Variants in RAB38 observed in about 807,000 individuals in gnomAD.
The protein encoded by RAB38 is RAB38, member RAS oncogene family, also known as ras-related protein Rab-38.
A neutral mutation model predicts 18.4 loss-of-function variants in RAB38; 15 were observed. That is an observed-to-expected ratio of 0.82 (90% CI 0.55 to 1.26). The LOEUF is 1.26. RAB38 is among the 50% of genes most tolerant of loss of function. RAB38 has a pLI of 0.00. For synonymous variants in RAB38, 101 were observed against 104.4 expected (o/e 0.97, Z 0.20); for missense variants, 294 against 267.4 (o/e 1.10, Z -0.69).
At chr11:87,939,086 T>C in the RAB38 span, among the ~76,000 whole-genome samples, 1 of 152,120 alleles carries the variant, frequency 6.6e-6, no homozygotes, top group Non-Finnish European at 1.5e-5. Context: ...CAAATGTGTA[T>C]TTGTCACTCA....
chr11:87,809,797 T>C, the RAB38 span, among the ~76,000 whole-genome samples: 1 of 152,230 alleles, frequency 6.6e-6, no homozygotes, highest in South Asian at 2.1e-4. Context: ...TTGGAGGCCA[T>C]TAAATCCAGA....
the RAB38 span, among the ~76,000 whole-genome samples, chr11:87,945,124 A>G: frequency 9.2e-5 from 14 of 152,166 alleles, no homozygotes; most frequent in Admixed American, 9.2e-4. Context: ...ATATAAAACT[A>G]GAATAATACA....
the RAB38 span, among the ~76,000 whole-genome samples, chr11:87,887,461 A>G: frequency 6.6e-6 from 1 of 151,950 alleles, no homozygotes; most frequent in Non-Finnish European, 1.5e-5. Context: ...GAAAAGCAAT[A>G]CAATATGATA....
chr11:87,865,109 G>A, the RAB38 span, among the ~76,000 whole-genome samples: 5 of 151,678 alleles, frequency 3.3e-5, no homozygotes, highest in Non-Finnish European at 7.4e-5. Context: ...CCAAGAACAG[G>A]GAAGGATGGA....
the RAB38 span, among the ~76,000 whole-genome samples, chr11:88,051,344 A>G: frequency 1.3e-5 from 2 of 152,058 alleles, no homozygotes; most frequent in Non-Finnish European, 2.9e-5. Context: ...CAGTACATGC[A>G]TAGATCTGAT....
chr11:88,172,249 T>C (rs1436691640), intron 1 of RAB38, among the ~76,000 whole-genome samples: 1 of 152,228 alleles, frequency 6.6e-6, no homozygotes. Flanking sequence ...ATGGAATCAC[T>C]GGAATCCAGG....
chr11:88,088,689 A>G, the RAB38 span, among the ~76,000 whole-genome samples: 1 of 151,544 alleles, frequency 6.6e-6, no homozygotes, highest in East Asian at 2.0e-4. Flanking sequence ...GGTGTCTTTG[A>G]CATTCCCTTT....
the RAB38 span, among the ~76,000 whole-genome samples, chr11:87,860,163 C>G: frequency 1.3e-5 from 2 of 151,788 alleles, no homozygotes; most frequent in African/African-American, 2.4e-5. Flanking sequence ...GCTCACTATA[C>G]TAGAGAAAGG....
At chr11:88,027,889 T>C in the RAB38 span, among the ~76,000 whole-genome samples, 7 of 152,174 alleles carry the variant, frequency 4.6e-5, no homozygotes, top group African/African-American at 7.2e-5. Context: ...TCTCCCAGCA[T>C]GCAGCTGGAG....
chr11:87,845,909 G>A, the RAB38 span, among the ~76,000 whole-genome samples: 3 of 152,064 alleles, frequency 2.0e-5, no homozygotes, highest in East Asian at 1.9e-4. Context: ...CTTGCAAACC[G>A]TAATTCTATA....
the RAB38 span, among the ~76,000 whole-genome samples, chr11:87,866,968 A>G: frequency 1.3e-5 from 2 of 151,922 alleles, no homozygotes; most frequent in South Asian, 2.1e-4. Context: ...AGAAACATGC[A>G]AAATATTTGG....
chr11:87,868,612 A>AGAGAAG, the RAB38 span, among the ~76,000 whole-genome samples: 2 of 144,710 alleles, frequency 1.4e-5, no homozygotes, highest in African/African-American at 5.2e-5. Flanking sequence ...AGAGAGAGAG[A>AGAGAAG]GAGAGAGAGA....
At chr11:88,068,951 G>A in the RAB38 span, among the ~76,000 whole-genome samples, 1 of 152,246 alleles carries the variant, frequency 6.6e-6, no homozygotes, top group African/African-American at 2.4e-5. Flanking sequence ...GAGTGGACAC[G>A]CTTGAGGAGC....
At chr11:88,141,203 A>T (rs145416460) in intron 2 of RAB38, among the ~76,000 whole-genome samples, 2 of 152,100 alleles carry the variant, frequency 1.3e-5, no homozygotes, top group African/African-American at 4.8e-5. Flanking sequence ...GGCACAAGAC[A>T]TATTTTTTGA....
chr11:87,841,952 T>C, the RAB38 span, among the ~76,000 whole-genome samples: 1 of 152,210 alleles, frequency 6.6e-6, no homozygotes, highest in African/African-American at 2.4e-5. Flanking sequence ...GTGTTATCTT[T>C]TTCTTCCTTT....
the RAB38 span, among the ~76,000 whole-genome samples, chr11:87,819,768 GTGTATATATATATATGTATATA>G: frequency 1.6e-4 from 9 of 55,086 alleles, no homozygotes; most frequent in South Asian, 3.5e-3. Context: ...GTATATATAT[GTGTATATATATATATGTATATA>G]TGTGTGTGTG....
At chr11:88,072,102 A>G in the RAB38 span, among the ~76,000 whole-genome samples, 2 of 152,262 alleles carry the variant, frequency 1.3e-5, no homozygotes, top group Admixed American at 1.3e-4. Context: ...AGTCTACCTT[A>G]CCAAAATCAG....
chr11:87,804,593 G>T, the RAB38 span, among the ~76,000 whole-genome samples: 75 of 151,290 alleles, frequency 5.0e-4, no homozygotes, highest in African/African-American at 1.7e-3. Context: ...TAATCTTATT[G>T]TGCATAACCT....
the RAB38 span, among the ~76,000 whole-genome samples, chr11:87,856,693 C>T: frequency 6.6e-6 from 1 of 152,162 alleles, no homozygotes; most frequent in East Asian, 1.9e-4. Flanking sequence ...ACTGCTTCTT[C>T]TTCTTCTCCT....
Sources: allele counts gnomAD v4.1 joint callset (sites outside exome capture counted in the v4.1 genomes callset), GRCh38; gene constraint gnomAD v4.1.1; transcripts MANE v1.5; gene names NCBI Gene and HGNC (gene_info 2026-07-23, HGNC 2026-07-21).